PAK3: variants seen among roughly 807,000 people sequenced by gnomAD.
The protein encoded by PAK3 is p21 (RAC1) activated kinase 3, also known as serine/threonine-protein kinase PAK 3.
A neutral mutation model predicts 41.0 loss-of-function variants in PAK3; 4 were observed. The ratio of observed to expected loss-of-function variants is 0.10; its 90% CI spans 0.05 to 0.22. The LOEUF is 0.22. PAK3 is among the 10% of genes least tolerant of loss of function. PAK3 has a pLI of 1.00. For synonymous variants in PAK3, 146 were observed against 139.6 expected, an observed-to-expected ratio of 1.05 and a Z score of -0.32; for missense variants, 205 against 409.9, an observed-to-expected ratio of 0.50 and a Z score of 4.32.
chrX:111,058,024 T>A (rs1459461509), intron 1 of PAK3, among the ~76,000 whole-genome samples: 1 of 112,536 alleles, frequency 8.9e-6, no homozygotes, highest in East Asian at 2.8e-4. Context: ...CCTTTTTAAA[T>A]AGCCAAATAA....
At chrX:111,126,734 T>C (rs957994058) in intron 5 of PAK3, among the ~76,000 whole-genome samples, 23 of 111,871 alleles carry the variant, frequency 2.1e-4, no homozygotes, top group African/African-American at 7.5e-4. Context: ...CATAATATCA[T>C]TATATTTGTA....
At chrX:111,195,353 A>G (rs938850978) in intron 14 of PAK3, among the ~76,000 whole-genome samples, 13 of 111,960 alleles carry the variant, frequency 1.2e-4, no homozygotes, top group African/African-American at 3.2e-4. Context: ...GGCATTTCCA[A>G]ACAAGTGCCT....
At chrX:111,202,855 C>A (rs973001119) in intron 16 of PAK3, among the ~76,000 whole-genome samples, 1 of 112,151 alleles carries the variant, frequency 8.9e-6, no homozygotes, top group African/African-American at 3.2e-5. Flanking sequence ...AAATCTTTAT[C>A]CAAGTTAAAA....
chrX:111,169,715 T>A (rs1320406278), intron 10 of PAK3, among the ~76,000 whole-genome samples: 1 of 111,648 alleles, frequency 9.0e-6, no homozygotes. Flanking sequence ...CTCTGACTTA[T>A]TCAGTGTTAC....
chrX:111,201,830 A>G (rs1393830671), intron 16 of PAK3, among the ~76,000 whole-genome samples: 5 of 110,837 alleles, frequency 4.5e-5, no homozygotes, highest in African/African-American at 1.3e-4. Flanking sequence ...GGAAAAAAAT[A>G]TATATGTATA....
At chrX:111,122,375 C>T (rs144227049) in intron 4 of PAK3, among the ~76,000 whole-genome samples, 1,930 of 109,125 alleles carry the variant, frequency 0.018, 18 homozygotes, top group Non-Finnish European at 0.027. Context: ...TCTTCCAAGA[C>T]GTAAAATGTG....
intron 10 of PAK3, among the ~76,000 whole-genome samples, chrX:111,172,665 A>AT (rs924359146): frequency 6.3e-5 from 7 of 110,554 alleles, no homozygotes; most frequent in Non-Finnish European, 1.1e-4. Flanking sequence ...CCTTTCTTAG[A>AT]TTTTTTTTAT....
At chrX:111,109,694 C>A (rs1326647177) in intron 4 of PAK3, among the ~76,000 whole-genome samples, 2 of 111,657 alleles carry the variant, frequency 1.8e-5, no homozygotes, top group Non-Finnish European at 3.8e-5. Context: ...GCAATTGGTT[C>A]TCTTACCATA....
At chrX:110,972,135 T>C (rs1029161221) in intron 1 of PAK3, among the ~76,000 whole-genome samples, 1 of 111,398 alleles carries the variant, frequency 9.0e-6, no homozygotes, top group African/African-American at 3.3e-5. Flanking sequence ...TCTCTCTCTA[T>C]ATATGTATGT....
rs770850940 is a variant in PAK3, at chrX:111,163,680, A to C, written c.719A>C (p.Gln240Pro). Residue 240 changes from glutamine to proline, a missense_variant, in exon 10 of 18, where the codon CAA (glutamine) becomes CCA (proline). Around this residue, in one of 5 missense-constraint regions of PAK3, gnomAD observed 75 missense variants for 91.9 expected, o/e 0.82. Coordinates refer to ENST00000372007, the MANE Select transcript of PAK3 (RefSeq NM_002578.5). ...ACTTTGTACAGGAACACAGATCGGC[A>C]AAGAAAAAAATCCAAGATGACAGAT... is the stretch of plus-strand genomic sequence containing the variant. ...SSTLYRNTDR[Q>P]RKKSKMTDEE... 5 of 1,206,197 alleles carry C rather than the reference A, an allele frequency of 4.1e-6. No individual in the cohort carries two copies. The highest frequency in any genetic ancestry group is 5.6e-6 in the Non-Finnish European group (5 of 890,414).
chrX:111,103,818 C>T (rs901856241), intron 4 of PAK3, among the ~76,000 whole-genome samples: 4 of 111,474 alleles, frequency 3.6e-5, no homozygotes, highest in African/African-American at 6.5e-5. Context: ...TTAAACCTTC[C>T]CAAACCTTCC....
chrX:110,958,179 T>G (rs1437123151), intron 1 of PAK3, among the ~76,000 whole-genome samples: 1 of 111,589 alleles, frequency 9.0e-6, no homozygotes, highest in Non-Finnish European at 1.9e-5. Context: ...CATATTCAAG[T>G]GACTAAAAGA....
intron 11 of PAK3, among the ~76,000 whole-genome samples, chrX:111,178,980 T>TAGAGAGAGAG (rs1556239020): frequency 1.1e-5 from 1 of 91,611 alleles, no homozygotes; most frequent in Admixed American, 1.3e-4. Flanking sequence ...TATATATATA[T>TAGAGAGAGAG]AGAGAGAGAG....
At chrX:111,163,853 G>C in intron 10 of PAK3, 126 bp downstream of exon 10, 4 of 571,306 alleles carry the variant, frequency 7.0e-6, no homozygotes, top group Non-Finnish European at 1.2e-5. Context: ...AAAATCATGA[G>C]ATGAAAAATT....
intron 11 of PAK3, among the ~76,000 whole-genome samples, chrX:111,177,092 A>G (rs182257576): frequency 3.0e-3 from 333 of 109,444 alleles, no homozygotes; most frequent in African/African-American, 0.011. Context: ...TACTCTCAAT[A>G]TGTAGAGTTT....
chrX:110,979,144 G>A (rs753169832), intron 1 of PAK3, among the ~76,000 whole-genome samples: 9 of 110,678 alleles, frequency 8.1e-5, no homozygotes, highest in Non-Finnish European at 1.5e-4. Context: ...TCCTTATAAT[G>A]TTTATAGGGT....
upstream of PAK3, among the ~76,000 whole-genome samples, chrX:111,093,983 G>C (rs952694240): frequency 3.6e-5 from 4 of 111,681 alleles, no homozygotes; most frequent in Non-Finnish European, 7.5e-5. Flanking sequence ...TTACAAATCA[G>C]AGATGTTAAC....
chrX:111,035,131 A>AAAAAAG (rs2092383860), intron 1 of PAK3, among the ~76,000 whole-genome samples: 1 of 54,259 alleles, frequency 1.8e-5, no homozygotes, highest in African/African-American at 5.9e-5. Context: ...AAAAAAAAAA[A>AAAAAAG]AAAGAAAGAA....
At chrX:111,113,167 C>T (rs1055807614) in intron 4 of PAK3, among the ~76,000 whole-genome samples, 4 of 111,645 alleles carry the variant, frequency 3.6e-5, no homozygotes, top group African/African-American at 1.3e-4. Flanking sequence ...CTTCCATACC[C>T]TGCTCAAGCG....
Sources: gnomAD v4.1 joint callset for allele counts (sites outside exome capture counted in the v4.1 genomes callset) on GRCh38, gnomAD v4.1.1 for gene constraint, gnomAD v4.1.1 regional missense constraint, MANE v1.5 for transcripts, NCBI Gene and HGNC (gene_info 2026-07-23, HGNC 2026-07-21) for gene names.